CCDC33: variants seen among roughly 807,000 people sequenced by gnomAD.
CCDC33 encodes coiled-coil domain-containing protein 33.
CCDC33 carries 94 observed loss-of-function variants against 91.9 expected under a neutral mutation model. The ratio of observed to expected loss-of-function variants is 1.02; its 90% CI spans 0.87 to 1.21. CCDC33 has a LOEUF of 1.21. CCDC33 is among the 50% of genes most tolerant of loss of function. The pLI, the probability that CCDC33 is intolerant of heterozygous loss-of-function variation, is 0.00. For synonymous variants in CCDC33, 396 were observed against 374.5 expected (o/e 1.06, Z -0.66); for missense variants, 940 against 935.5 (o/e 1.00, Z -0.06).
At chr15:74,281,590 G>A (rs7183798) in intron 9 of CCDC33, among the ~76,000 whole-genome samples, 188 bp from the exon 10 acceptor site, 3,835 of 152,304 alleles carry the variant, frequency 0.025, 148 homozygotes, top group African/African-American at 0.088. Context: ...GTCTCTAGAG[G>A]GGTTTAGAAG....
intron 11 of CCDC33, among the ~76,000 whole-genome samples, chr15:74,312,612 C>G (rs939547863): frequency 7.9e-5 from 12 of 152,204 alleles, no homozygotes; most frequent in Non-Finnish European, 1.3e-4. Context: ...TTAATTTGCA[C>G]TTGTTGGCGC....
intron 1 of CCDC33, among the ~76,000 whole-genome samples, chr15:74,237,613 G>T (rs2075207814): frequency 6.6e-6 from 1 of 152,016 alleles, no homozygotes; most frequent in Non-Finnish European, 1.5e-5. Context: ...GCCCACAGCT[G>T]CCCCCCACCC....
Position 74,209,477 on chromosome 15 carries a change from G to C in CCDC33, n.179G>C, listed in dbSNP as rs573051017. On this transcript the variant is annotated non_coding_transcript_exon_variant, in exon 2 of 4. Transcript: ENST00000558645. The stretch of plus-strand genomic sequence containing the variant: ...CATCCTGCTGCTGCCCAGCTGGGCT[G>C]AGGGCCCTGACCACAGCTAAGGGGA... The C allele has an allele frequency of 2.0e-6, 3 of 1,531,978 alleles. No individual in the cohort carries two copies. In the African/African-American group the frequency reaches 4.1e-5, roughly 21 times the overall value. The allele number at this position is 1,531,978 out of a possible 1,614,324, so 94.9% of individuals were successfully genotyped here.
chr15:74,246,923 G>C (rs1434055537), intron 2 of CCDC33, among the ~76,000 whole-genome samples: 1 of 151,900 alleles, frequency 6.6e-6, no homozygotes, highest in Non-Finnish European at 1.5e-5. Flanking sequence ...GAGGTGGGCG[G>C]ATCACAGGGT....
At chr15:74,289,965 T>C (rs899582322) in intron 10 of CCDC33, among the ~76,000 whole-genome samples, 1 of 152,108 alleles carries the variant, frequency 6.6e-6, no homozygotes, top group African/African-American at 2.4e-5. Flanking sequence ...CAGTGCATAA[T>C]TGGTAGATTG....
intron 11 of CCDC33, among the ~76,000 whole-genome samples, chr15:74,318,092 G>C (rs1341530418): frequency 6.0e-5 from 9 of 149,708 alleles, no homozygotes; most frequent in African/African-American, 2.2e-4. Flanking sequence ...GCTGCGGGGT[G>C]GGGAGGACTC....
chr15:74,268,503 G>T (rs1245961582), intron 5 of CCDC33, 45 bp downstream of exon 5: 2 of 1,428,174 alleles, frequency 1.4e-6, no homozygotes, highest in Non-Finnish European at 9.8e-7. Context: ...GGGTGGGAAA[G>T]GGCCAAGCTT....
intron 2 of CCDC33, chr15:74,209,717 A>G: frequency 2.3e-6 from 1 of 432,136 alleles, no homozygotes; most frequent in Non-Finnish European, 4.1e-6. Context: ...GGCTCTCCCT[A>G]CCCCTCCCTC....
At chr15:74,206,844 C>A (rs2074271751) in intron 1 of CCDC33, among the ~76,000 whole-genome samples, 1 of 152,238 alleles carries the variant, frequency 6.6e-6, no homozygotes, top group African/African-American at 2.4e-5. Flanking sequence ...CTGTGACCAG[C>A]ATGAACCCAC....
At chr15:74,206,946 C>T (rs893230771) in intron 1 of CCDC33, among the ~76,000 whole-genome samples, 1 of 152,208 alleles carries the variant, frequency 6.6e-6, no homozygotes, top group Non-Finnish European at 1.5e-5. Flanking sequence ...GGTGGCTAAG[C>T]CCTGCTCACT....
rs972116862 is a variant in CCDC33, at chr15:74,207,673, T to C, written n.90-1715T>C. ...ACACGCAAGAGAGGCGTTCCAGGAG[T>C]GGGGGGATGGCCACTGTGCCCACCT... On this transcript the variant is annotated intron_variant and non_coding_transcript_variant, in intron 1 of 3. Transcript: ENST00000558645. 46 of 1,530,394 alleles carry C rather than the reference T, an allele frequency of 3.0e-5. No homozygotes were observed. In the African/African-American group the frequency reaches 5.9e-4, roughly 20 times the overall value. 94.8% of individuals were successfully genotyped at this position (1,530,394 alleles called of 1,614,324 possible).
chr15:74,309,140 A>AC (rs2059945444), intron 11 of CCDC33, among the ~76,000 whole-genome samples: 2 of 151,548 alleles, frequency 1.3e-5, no homozygotes, highest in South Asian at 4.2e-4. Flanking sequence ...TAGACATGCT[A>AC]CCCCCCGCCC....
At chr15:74,290,281 G>C (rs1324762681) in intron 10 of CCDC33, among the ~76,000 whole-genome samples, 1 of 151,196 alleles carries the variant, frequency 6.6e-6, no homozygotes, top group Admixed American at 6.6e-5. Context: ...GGGTTCAAAC[G>C]ATTCTCCTGC....
In CCDC33 at chr15:74,317,017, C is replaced by T. The variant is rs566725155; in HGVS notation, c.1291-13172C>T. On this transcript the variant is annotated intron_variant, in intron 11 of 18. Coordinates refer to ENST00000398814, the MANE Select transcript of CCDC33 (RefSeq NM_025055.5). ...ATAGGAGTATGGGGATTGTCTTGTG[C>T]CACTCCCCTACTTGTCCCTATTGTT... 9.2e-5 allele frequency among the ~76,000 whole-genome samples: 14 copies of T among 152,254 alleles called. No homozygotes were observed. In the South Asian group the frequency reaches 2.7e-3, roughly 29 times the overall value.
At chr15:74,323,821 T>C (rs1567034847) in intron 11 of CCDC33, among the ~76,000 whole-genome samples, 1 of 151,148 alleles carries the variant, frequency 6.6e-6, no homozygotes, top group Admixed American at 6.6e-5. Flanking sequence ...AAGCTGCCGG[T>C]TGGTTCACGC....
intron 11 of CCDC33, chr15:74,319,663 G>A (rs1202849321): frequency 6.6e-6 from 1 of 152,338 alleles, no homozygotes; most frequent in Non-Finnish European, 1.5e-5. Context: ...ATGGAGCCTT[G>A]AGGGTCAGGC....
chr15:74,281,349 T>C (rs1243819236), intron 9 of CCDC33, among the ~76,000 whole-genome samples: 1 of 152,240 alleles, frequency 6.6e-6, no homozygotes, highest in Admixed American at 6.5e-5. Flanking sequence ...TCCTTGCCTA[T>C]AAAATGGGTA....
At chr15:74,260,985 T>C (rs758855470) in intron 2 of CCDC33, among the ~76,000 whole-genome samples, 2 of 152,218 alleles carry the variant, frequency 1.3e-5, no homozygotes, top group African/African-American at 2.4e-5. Context: ...TGGGCACCGT[T>C]AGCATCTCTG....
intron 10 of CCDC33, among the ~76,000 whole-genome samples, chr15:74,289,267 G>A (rs1410017020): frequency 6.6e-6 from 1 of 152,246 alleles, no homozygotes; most frequent in Non-Finnish European, 1.5e-5. Context: ...CATCTCTCCA[G>A]AAGCCAGACT....
Sources: gnomAD v4.1 joint callset for allele counts (sites outside exome capture counted in the v4.1 genomes callset) on GRCh38, gnomAD v4.1.1 for gene constraint, MANE v1.5 for transcripts, NCBI Gene and HGNC (gene_info 2026-07-23, HGNC 2026-07-21) for gene names.